The following ABCC9 variants were observed in gnomAD, a reference collection of about 807,000 sequenced individuals.
The protein encoded by ABCC9 is ATP binding cassette subfamily C member 9.
A neutral mutation model predicts 188.3 loss-of-function variants in ABCC9; 95 were observed. The observed-to-expected ratio is 0.50, with a 90% CI of 0.43 to 0.60. The LOEUF is 0.60. Among genes scored for constraint, ABCC9 ranks in the 20% least tolerant of loss-of-function variants. ABCC9 has a pLI of 0.00. For missense variants in ABCC9, 1,102 were observed against 1,876.3 expected (o/e 0.59, Z 7.62); for synonymous variants, 659 against 652.7 (o/e 1.01, Z -0.15).
intron 17 of ABCC9, 43 bp downstream of exon 17, chr12:21,875,611 C>G: frequency 1.4e-6 from 2 of 1,385,376 alleles, no homozygotes; most frequent in Non-Finnish European, 2.1e-6. Flanking sequence ...ACTATGGTTA[C>G]GGTCATGAAC....
At chr12:21,928,192 C>T (rs1949115116) in intron 4 of ABCC9, among the ~76,000 whole-genome samples, 1 of 150,004 alleles carries the variant, frequency 6.7e-6, no homozygotes, top group African/African-American at 2.5e-5. Context: ...TGCACTCCAG[C>T]CTGGGCAACA....
At chr12:21,892,837 T>C (rs2292772) in intron 14 of ABCC9, among the ~76,000 whole-genome samples, 48,486 of 152,092 alleles carry the variant, frequency 0.32, 7,941 homozygotes, top group Admixed American at 0.36. Context: ...GTTTTCTCAG[T>C]AAGATATAGA....
At chr12:21,821,658 A>G (rs184730033) in intron 31 of ABCC9, among the ~76,000 whole-genome samples, 34 of 152,318 alleles carry the variant, frequency 2.2e-4, no homozygotes, top group African/African-American at 7.7e-4. Context: ...TTAGTTTACT[A>G]TGGAAATCTT....
chr12:21,885,703 C>T (rs1946842814), intron 15 of ABCC9, among the ~76,000 whole-genome samples: 2 of 152,148 alleles, frequency 1.3e-5, no homozygotes, highest in African/African-American at 4.8e-5. Context: ...CGTTGTTCCT[C>T]CAGCATATAT....
intron 31 of ABCC9, among the ~76,000 whole-genome samples, chr12:21,822,479 T>C (rs1943096923): frequency 6.6e-6 from 1 of 152,122 alleles, no homozygotes. Context: ...TACAGTAGTA[T>C]AGAAATGTGA....
At chr12:21,888,543 A>T (rs1053786362) in intron 14 of ABCC9, among the ~76,000 whole-genome samples, 29 of 152,130 alleles carry the variant, frequency 1.9e-4, no homozygotes, top group Non-Finnish European at 3.7e-4. Flanking sequence ...ATCAACTGGG[A>T]GTTTATTAAA....
intron 17 of ABCC9, among the ~76,000 whole-genome samples, chr12:21,875,375 A>G (rs1946289638): frequency 6.6e-6 from 1 of 152,220 alleles, no homozygotes; most frequent in Non-Finnish European, 1.5e-5. Flanking sequence ...TTCTCAAACA[A>G]AAAGTGAAAT....
chr12:21,881,958 T>C (rs1001017426), intron 16 of ABCC9, among the ~76,000 whole-genome samples: 1 of 152,192 alleles, frequency 6.6e-6, no homozygotes, highest in Non-Finnish European at 1.5e-5. Flanking sequence ...ACTAGCTTGT[T>C]CCACTCAATC....
chr12:21,818,197 A>T lies in ABCC9; in HGVS notation c.3724T>A (p.Ser1242Thr). The change falls in exon 32 of 40, where the codon TCT becomes ACT. Residue 1242 changes from serine (S) to threonine (T), a missense_variant. Physicochemically the swap from Ser to Thr is moderately conservative, Grantham distance 58. This residue lies in a region of ABCC9 where 143 missense variants were observed against 225.6 expected (regional missense o/e 0.63). Coordinates refer to ENST00000261200, the MANE Select transcript of ABCC9 (RefSeq NM_020297.4). ...LTASIASISG[S>T]SNSGLVGLGL... ...AAGCCTACCAATCCAGAATTCGAAG[A>T]CCCACTAATGGATGCTATAGATGCA... 6.2e-7 allele frequency: 1 copy of T among 1,613,904 alleles called. No homozygotes were observed. Among genetic ancestry groups the T allele is most frequent in the Non-Finnish European group, 8.5e-7 (1 of 1,179,890 alleles).
intron 15 of ABCC9, 35 bp downstream of exon 15, chr12:21,887,791 A>T (rs773877815): frequency 1.5e-6 from 2 of 1,325,138 alleles, no homozygotes; most frequent in Non-Finnish European, 1.1e-6. Flanking sequence ...ACTGTCCTCT[A>T]TTCACAACTT....
chr12:21,920,136 A>C (rs1387800832), intron 5 of ABCC9, among the ~76,000 whole-genome samples: 1 of 152,070 alleles, frequency 6.6e-6, no homozygotes, highest in Non-Finnish European at 1.5e-5. Flanking sequence ...CTAACATTAC[A>C]ATTAATTATG....
Position 21,882,778 on chromosome 12 carries a change from G to C in ABCC9, c.2007C>G (p.Asp669Glu). ...AAATAAAAATAACCTTTATTGCAAT[G>C]TCCTCTGTTTCTGCGGGACGTAGAC... ...TRRLRPAETE[D>E]IAIKVTNGYF... Residue 669 changes from aspartate to glutamate, a missense_variant, in exon 16 of 40, where the codon GAC (aspartate) becomes GAG (glutamate). Transcript: ENST00000261200. 1.2e-6 allele frequency: 2 copies of C among 1,610,340 alleles called. No homozygotes were observed. The highest frequency in any genetic ancestry group is 1.7e-6 in the Non-Finnish European group (2 of 1,176,608).
intron 2 of ABCC9, among the ~76,000 whole-genome samples, chr12:21,938,871 C>T (rs1250064369): frequency 6.6e-6 from 1 of 152,134 alleles, no homozygotes. Flanking sequence ...CAGAGAAGTA[C>T]AATCACCTGA....
chr12:21,894,567 T>C (rs1349273939), intron 13 of ABCC9, among the ~76,000 whole-genome samples: 1 of 72,138 alleles, frequency 1.4e-5, no homozygotes. Context: ...TCACTGTGGA[T>C]CTTTACTAAA....
At chr12:21,853,888 C>T (rs773983652) in intron 22 of ABCC9, among the ~76,000 whole-genome samples, 12 of 152,154 alleles carry the variant, frequency 7.9e-5, no homozygotes, top group Non-Finnish European at 1.5e-4. Context: ...GTGGATGTTT[C>T]AGGTAAAAAC....
intron 15 of ABCC9, among the ~76,000 whole-genome samples, chr12:21,885,782 AAAAAAC>A (rs1444145846): frequency 2.6e-5 from 4 of 152,214 alleles, no homozygotes; most frequent in Non-Finnish European, 5.9e-5. Flanking sequence ...ACAGAAAGTG[AAAAAAC>A]AAAAACAAAA....
At chr12:21,905,670 A>T (rs2137833879) in intron 12 of ABCC9, among the ~76,000 whole-genome samples, 1 of 152,284 alleles carries the variant, frequency 6.6e-6, no homozygotes, top group Non-Finnish European at 1.5e-5. Context: ...ATGGAAAAAT[A>T]GTTAAAGGAT....
Position 21,818,254 on chromosome 12 carries a change from T to C in ABCC9, c.3670-3A>G. The C allele has an allele frequency of 6.2e-7, 1 of 1,612,398 alleles. No individual in the cohort carries two copies. Among genetic ancestry groups the C allele is most frequent in the Admixed American group, 1.7e-5 (1 of 59,942 alleles). On this transcript the variant is annotated splice_polypyrimidine_tract_variant and splice_region_variant and intron_variant, in intron 31 of 39. Coordinates refer to ENST00000261200, the MANE Select transcript of ABCC9 (RefSeq NM_020297.4). Reference sequence around the variant, plus strand: ...ACAATGCAAGCTCCCAGATAATCCTTTGAAAAAGCAAGAGAAAATGTTAAA... The same window carrying C: ...ACAATGCAAGCTCCCAGATAATCCTCTGAAAAAGCAAGAGAAAATGTTAAA...
intron 15 of ABCC9, among the ~76,000 whole-genome samples, chr12:21,886,107 A>G (rs2137678906): frequency 6.6e-6 from 1 of 152,308 alleles, no homozygotes; most frequent in East Asian, 1.9e-4. Context: ...AATTTTTTAG[A>G]CACTTCCTTC....
Sources: gnomAD v4.1 joint callset for allele counts (sites outside exome capture counted in the v4.1 genomes callset) on GRCh38, gnomAD v4.1.1 for gene constraint, gnomAD v4.1.1 regional missense constraint, MANE v1.5 for transcripts, NCBI Gene and HGNC (gene_info 2026-07-23, HGNC 2026-07-21) for gene names.